The following ERBB4 variants were observed in gnomAD, a reference collection of about 807,000 sequenced individuals.
ERBB4 encodes the protein receptor tyrosine-protein kinase erbB-4.
In ERBB4, 42 loss-of-function variants were observed where a neutral mutation model predicts 158.0. The ratio of observed to expected loss-of-function variants is 0.27; its 90% CI spans 0.21 to 0.34. The LOEUF (loss-of-function observed/expected upper bound fraction) is 0.34. ERBB4 is among the 10% of genes least tolerant of loss of function. The pLI, the probability that ERBB4 is intolerant of heterozygous loss-of-function variation, is 1.00. For synonymous variants in ERBB4, 583 were observed against 558.7 expected, an observed-to-expected ratio of 1.04 and a Z score of -0.61; for missense variants, 1,333 against 1,624.1, an observed-to-expected ratio of 0.82 and a Z score of 3.08.
At chr2:211,495,975 A>G (rs945626439) in intron 20 of ERBB4, among the ~76,000 whole-genome samples, 1 of 152,046 alleles carries the variant, frequency 6.6e-6, no homozygotes, top group African/African-American at 2.4e-5. Flanking sequence ...CATACTGATA[A>G]ATATGTTGAT....
intron 19 of ERBB4, among the ~76,000 whole-genome samples, chr2:211,574,366 G>A (rs1413356071): frequency 1.3e-5 from 2 of 152,130 alleles, no homozygotes; most frequent in East Asian, 3.8e-4. Flanking sequence ...GGCATTATAA[G>A]AGAACTTCAA....
intron 3 of ERBB4, among the ~76,000 whole-genome samples, chr2:211,913,677 G>C (rs13022210): frequency 6.6e-6 from 1 of 150,388 alleles, no homozygotes; most frequent in Non-Finnish European, 1.5e-5. Context: ...ATGTGTGTGT[G>C]TATGTGTATA....
Position 212,266,941 on chromosome 2 carries a change from C to T in ERBB4, c.83-142038G>A, listed in dbSNP as rs112628855. ...TTTGATTTATTTGCATCGGACTTAA[C>T]GAAGAGAACCTATGCTAATCCATAG... On this transcript the variant is annotated intron_variant, in intron 1 of 27. Transcript: ENST00000342788. Among the ~76,000 whole-genome samples the T allele has an allele frequency of 5.1e-3, 771 of 152,052 alleles. 4 individuals carry two copies. The highest frequency in any genetic ancestry group is 0.017 in the Middle Eastern group (5 of 294).
At chr2:211,764,688 A>G (rs2075505298) in intron 4 of ERBB4, among the ~76,000 whole-genome samples, 1 of 152,178 alleles carries the variant, frequency 6.6e-6, no homozygotes, top group African/African-American at 2.4e-5. Flanking sequence ...AACCAATACA[A>G]CCAAGTATCT....
At chr2:212,535,669 A>G (rs1478693417) in intron 1 of ERBB4, among the ~76,000 whole-genome samples, 1 of 152,228 alleles carries the variant, frequency 6.6e-6, no homozygotes, top group Non-Finnish European at 1.5e-5. Context: ...CAAAGGCTTT[A>G]TAATTGCCAT....
chr2:211,434,899 T>C (rs1223240476), intron 20 of ERBB4, among the ~76,000 whole-genome samples: 1 of 152,200 alleles, frequency 6.6e-6, no homozygotes, highest in Non-Finnish European at 1.5e-5. Flanking sequence ...AGATGCACGC[T>C]TTCAAATCAT....
chr2:211,916,715 A>T lies in ERBB4; in HGVS notation c.421+30715T>A, dbSNP rs547185062. Among the ~76,000 whole-genome samples, 7 of 152,258 alleles carry T rather than the reference A, an allele frequency of 4.6e-5. No homozygotes were observed. The South Asian group carries it at 1.5e-3, about 32-fold the overall frequency. On this transcript the variant is annotated intron_variant, in intron 3 of 27. Transcript: ENST00000342788. ...CTTCTCTCACTTATTGCTTGTATGT[A>T]TGTGAATTTGTGTAGCCATTTTGCA...
intron 1 of ERBB4, among the ~76,000 whole-genome samples, chr2:212,380,369 C>T (rs1354114511): frequency 6.6e-6 from 1 of 150,870 alleles, no homozygotes; most frequent in African/African-American, 2.4e-5. Context: ...GGAAGATGTG[C>T]ATAGGTTATA....
intron 3 of ERBB4, among the ~76,000 whole-genome samples, chr2:211,847,461 A>G (rs1271271986): frequency 6.6e-6 from 1 of 152,124 alleles, no homozygotes; most frequent in Non-Finnish European, 1.5e-5. Flanking sequence ...AAGGTTTCAA[A>G]TGGCCCAATG....
At chr2:211,487,079 G>T (rs2065224903) in intron 20 of ERBB4, among the ~76,000 whole-genome samples, 1 of 150,984 alleles carries the variant, frequency 6.6e-6, no homozygotes, top group Non-Finnish European at 1.5e-5. Context: ...CATGTGCCAC[G>T]TTGGTGTGCT....
chr2:211,408,350 T>C (rs1475487160), intron 25 of ERBB4, among the ~76,000 whole-genome samples: 1 of 152,162 alleles, frequency 6.6e-6, no homozygotes, highest in African/African-American at 2.4e-5. Context: ...ACATTCTCAA[T>C]CTAAGGATCC....
At chr2:211,716,747 C>T (rs1037558436) in intron 7 of ERBB4, among the ~76,000 whole-genome samples, 2 of 152,054 alleles carry the variant, frequency 1.3e-5, no homozygotes, top group Non-Finnish European at 2.9e-5. Context: ...GCTTAATGTC[C>T]TTGTTTTCCC....
intron 13 of ERBB4, among the ~76,000 whole-genome samples, 169 bp downstream of exon 13, chr2:211,678,883 C>T (rs532828231): frequency 1.7e-4 from 23 of 139,222 alleles, no homozygotes; most frequent in Admixed American, 9.7e-4. Context: ...AGGAGAATGG[C>T]GTGAACCCAG....
chr2:212,143,614 A>G (rs1293016653), intron 1 of ERBB4, among the ~76,000 whole-genome samples: 1 of 152,152 alleles, frequency 6.6e-6, no homozygotes, highest in East Asian at 1.9e-4. Flanking sequence ...AATGGGTTAA[A>G]TAAAAACAGA....
At chr2:211,707,937 C>T (rs746852081) in intron 9 of ERBB4, among the ~76,000 whole-genome samples, 13 of 152,134 alleles carry the variant, frequency 8.5e-5, no homozygotes, top group Non-Finnish European at 1.8e-4. Flanking sequence ...TTAAAAACAT[C>T]TCAGCTATTT....
intron 1 of ERBB4, among the ~76,000 whole-genome samples, chr2:212,288,486 A>T (rs1318044143): frequency 4.6e-5 from 7 of 152,120 alleles, no homozygotes; most frequent in Non-Finnish European, 1.0e-4. Context: ...AGGAATGCGC[A>T]CTGGGGTGGA....
intron 20 of ERBB4, among the ~76,000 whole-genome samples, chr2:211,469,531 C>A (rs994508634): frequency 6.6e-6 from 1 of 152,122 alleles, no homozygotes; most frequent in African/African-American, 2.4e-5. Context: ...ATATATGTAT[C>A]CTCCTAGGTT....
At chr2:212,183,310 T>C (rs987118630) in intron 1 of ERBB4, among the ~76,000 whole-genome samples, 1 of 152,002 alleles carries the variant, frequency 6.6e-6, no homozygotes. Context: ...ATGGATTTTA[T>C]ATGCTAATGC....
intron 1 of ERBB4, among the ~76,000 whole-genome samples, chr2:212,396,309 C>T (rs1448868829): frequency 6.6e-6 from 1 of 152,136 alleles, no homozygotes; most frequent in African/African-American, 2.4e-5. Context: ...TCTACAGTTA[C>T]TTAAGCTTCT....
Sources: gnomAD v4.1 joint callset for allele counts (sites outside exome capture counted in the v4.1 genomes callset) on GRCh38, gnomAD v4.1.1 for gene constraint, MANE v1.5 for transcripts, NCBI Gene and HGNC (gene_info 2026-07-23, HGNC 2026-07-21) for gene names.